Variants in TNFRSF13C observed in about 807,000 individuals in gnomAD.
TNFRSF13C encodes the protein TNF receptor superfamily member 13C.
Under a neutral mutation model 12.1 loss-of-function variants are expected in TNFRSF13C, and 7 were observed. The observed-to-expected ratio is 0.58, with a 90% CI of 0.33 to 1.08. The LOEUF is 1.08. Among genes scored for constraint, TNFRSF13C ranks in the 50% least tolerant of loss-of-function variants. The pLI is 0.04. For synonymous variants in TNFRSF13C, 157 were observed against 130.8 expected (o/e 1.20, Z -1.37); for missense variants, 260 against 265.9 (o/e 0.98, Z 0.15).
rs2077631733 is a variant in TNFRSF13C, at chr22:41,926,398, G to T, written c.137-67C>A. The stretch of plus-strand genomic sequence containing the variant: ...GGGAGGGAGGAGCGGGGACGGGGAG[G>T]GGCGGAGGGGGGCGAGGCTGGCCGG... On this transcript the variant is annotated intron_variant, in intron 1 of 2. Coordinates refer to ENST00000291232, the MANE Select transcript of TNFRSF13C (RefSeq NM_052945.4). This position sits in a 1 kb window ranked among gnomAD's most constrained non-coding sequence, Gnocchi z 4.9. 2 of 1,256,074 alleles carry T rather than the reference G, an allele frequency of 1.6e-6. No homozygotes were observed. The highest frequency in any genetic ancestry group is 2.0e-6 in the Non-Finnish European group (2 of 978,022). The allele number at this position is 1,256,074 out of a possible 1,614,324, so 77.8% of individuals were successfully genotyped here.
chr22:41,926,714 G>C lies in TNFRSF13C; in HGVS notation c.60C>G (p.Val20=), dbSNP rs373828157. The C allele has an allele frequency of 2.1e-6, 3 of 1,448,940 alleles. No individual in the cohort carries two copies. The Admixed American group carries it at 7.7e-5, about 37-fold the overall frequency. The allele number at this position is 1,448,940 out of a possible 1,614,324, so 89.8% of individuals were successfully genotyped here. ...CCAGCAGGTCGAAGCACTCGGCCGGGACGCAGGGCGTGGGGGCTGGCGCGT... is the reference window on the plus strand; with the variant it reads ...CCAGCAGGTCGAAGCACTCGGCCGGCACGCAGGGCGTGGGGGCTGGCGCGT... ...GRDAPAPTPC[V]PAECFDLLVR... is the part of the protein sequence containing the mutation. The change falls in exon 1 of 3, where the codon GTC becomes GTG. Residue 20 remains valine (V), a synonymous_variant. Transcript: ENST00000291232. The surrounding 1 kb of genome is among the most constrained non-coding windows in gnomAD (Gnocchi z 4.9).
In TNFRSF13C at chr22:41,926,173, C is replaced by G. The variant is rs1002488801; in HGVS notation, c.295G>C (p.Val99Leu). ...LVLALVLVGLVSWRRRQRRLR... is the reference protein window; with the variant it reads ...LVLALVLVGLLSWRRRQRRLR... ...CGCCGCTGTCGCCGCCTCCAGCTCACCAGACCCACCAGGACCAGCGCCAGG... is the reference window on the plus strand; with the variant it reads ...CGCCGCTGTCGCCGCCTCCAGCTCAGCAGACCCACCAGGACCAGCGCCAGG... The change falls in exon 2 of 3, where the codon GTG becomes CTG. Residue 99 changes from valine to leucine, a missense_variant. Transcript: ENST00000291232. The surrounding 1 kb of genome is among the most constrained non-coding windows in gnomAD (Gnocchi z 4.9). 1.3e-5 allele frequency: 21 copies of G among 1,610,838 alleles called. No homozygotes were observed. The highest frequency in any genetic ancestry group is 1.8e-5 in the Non-Finnish European group (21 of 1,179,632).
In TNFRSF13C at chr22:41,925,384, C is replaced by T. The variant is rs772090919; in HGVS notation, c.538G>A (p.Gly180Ser). 28 of 1,605,894 alleles carry T rather than the reference C, an allele frequency of 1.7e-5. No homozygotes were observed. Among genetic ancestry groups the T allele is most frequent in the African/African-American group, 5.3e-5 (4 of 74,790 alleles). Residue 180 changes from glycine (G) to serine (S), a missense_variant, in exon 3 of 3, where the codon GGC (glycine) becomes AGC (serine). Transcript: ENST00000291232. Reference sequence around the variant, plus strand: ...GCTCCCTGCTATTGTTGCTCAGGGCCGGCCGTCTTGGTGGTCACCAGTTCA... The same window carrying T: ...GCTCCCTGCTATTGTTGCTCAGGGCTGGCCGTCTTGGTGGTCACCAGTTCA... ...STELVTTKTA[G>S]PEQQ
Position 41,926,404 on chromosome 22 carries a change from AG to A in TNFRSF13C, c.137-74del. On this transcript the variant is annotated intron_variant, in intron 1 of 2. Coordinates refer to ENST00000291232, the MANE Select transcript of TNFRSF13C (RefSeq NM_052945.4). This position sits in a 1 kb window ranked among gnomAD's most constrained non-coding sequence, Gnocchi z 4.9. The stretch of plus-strand genomic sequence containing the variant: ...GAGGAGCGGGGACGGGGAGGGGCGG[AG>A]GGGGGCGAGGCTGGCCGGGGAGGGG... 8 of 282,956 alleles carry A rather than the reference AG, an allele frequency of 2.8e-5. No individual in the cohort carries two copies. The highest frequency in any genetic ancestry group is 3.4e-5 in the Non-Finnish European group (8 of 235,054). 17.5% of individuals were successfully genotyped at this position (282,956 alleles called of 1,614,324 possible).
Position 41,923,964 on chromosome 22 carries a change from T to C in TNFRSF13C, c.*1403A>G, listed in dbSNP as rs1312241857. 1 of 152,232 alleles carries C rather than the reference T, an allele frequency of 6.6e-6. No individual in the cohort carries two copies. Among genetic ancestry groups the C allele is most frequent in the African/African-American group, 2.4e-5 (1 of 41,468 alleles). The allele number at this position is 152,232 out of a possible 1,614,324, so 9.4% of individuals were successfully genotyped here. ...CAGCTCAATCTTTTCTCCTTTGTTA[T>C]TTCTTAAAATAATCTTGTACTAAAT... On this transcript the variant is annotated 3_prime_UTR_variant, in exon 3 of 3. Coordinates refer to ENST00000291232, the MANE Select transcript of TNFRSF13C (RefSeq NM_052945.4).
chr22:41,923,155 A>C lies in TNFRSF13C; in HGVS notation c.*2212T>G, dbSNP rs1415700710. 6.4e-6 allele frequency: 1 copy of C among 155,572 alleles called. No homozygotes were observed. The highest frequency in any genetic ancestry group is 1.9e-4 in the East Asian group (1 of 5,298). The allele number at this position is 155,572 out of a possible 1,614,324, so 9.6% of individuals were successfully genotyped here. A position where few individuals can be genotyped will look rare whatever the true frequency, so the allele number is the denominator to read the frequency against. On this transcript the variant is annotated 3_prime_UTR_variant, in exon 3 of 3. Transcript: ENST00000291232. ...AAGGGACAGGAGGGGCAGGAGAAGC[A>C]GGGGTCTACAGGTGGCTCTGGTGGC...
At position 41,926,381 on chromosome 22, in the gene TNFRSF13C, G is replaced by A. The variant is rs1290883517; in HGVS notation, c.137-50C>T. 1.5e-6 allele frequency: 2 copies of A among 1,334,048 alleles called. No individual in the cohort carries two copies. Among genetic ancestry groups the A allele is most frequent in the South Asian group, 1.9e-5 (1 of 52,124 alleles). The allele number at this position is 1,334,048 out of a possible 1,614,324, so 82.6% of individuals were successfully genotyped here. ...GAGGCCAGGGGGCCGAGGGGAGGGA[G>A]GAGCGGGGACGGGGAGGGGCGGAGG... On this transcript the variant is annotated intron_variant, in intron 1 of 2. Transcript: ENST00000291232. This position sits in a 1 kb window ranked among gnomAD's most constrained non-coding sequence, Gnocchi z 4.9.
intron 2 of TNFRSF13C, 27 bp from the exon 3 acceptor site, chr22:41,925,581 G>A (rs773702517): frequency 3.7e-6 from 6 of 1,609,340 alleles, no homozygotes; most frequent in Admixed American, 1.7e-5. Flanking sequence ...TAGAGGCTCC[G>A]TACTCAGTCA....
In TNFRSF13C at chr22:41,926,061, G is replaced by GCGC. The variant is rs777631797; in HGVS notation, c.367+37_367+39dup. 6.8e-6 allele frequency: 11 copies of GCGC among 1,610,668 alleles called. No homozygotes were observed. In the East Asian group the frequency reaches 2.5e-4, roughly 36 times the overall value. ...AGACCGTCCCGACACCCCAGCCCCT[G>GCGC]CGCCCCGCTCAGACTGGTTCCCCTA... On this transcript the variant is annotated intron_variant, in intron 2 of 2. Coordinates refer to ENST00000291232, the MANE Select transcript of TNFRSF13C (RefSeq NM_052945.4). The surrounding 1 kb of genome is among the most constrained non-coding windows in gnomAD (Gnocchi z 4.9).
rs894411320 is a variant in TNFRSF13C, at chr22:41,922,389, A to C, written c.*2978T>G. Reference sequence around the variant, plus strand: ...CTCAGTTTCCTCGTCTGTTAAATGCATATGAGAATTATCTAAGGTTCCTTC... The same window carrying C: ...CTCAGTTTCCTCGTCTGTTAAATGCCTATGAGAATTATCTAAGGTTCCTTC... On this transcript the variant is annotated 3_prime_UTR_variant, in exon 3 of 3. Coordinates refer to ENST00000291232, the MANE Select transcript of TNFRSF13C (RefSeq NM_052945.4). 4 of 152,242 alleles carry C rather than the reference A, an allele frequency of 2.6e-5. No individual in the cohort carries two copies. The highest frequency in any genetic ancestry group is 9.6e-5 in the African/African-American group (4 of 41,460). The allele number at this position is 152,242 out of a possible 1,614,324, so 9.4% of individuals were successfully genotyped here.
At chr22:41,925,668 G>T (rs1343413572) in intron 2 of TNFRSF13C, 114 bp from the exon 3 acceptor site, 6 of 1,348,228 alleles carry the variant, frequency 4.5e-6, no homozygotes, top group Non-Finnish European at 1.0e-6. Context: ...GCAGGGTGGG[G>T]AGGGGTGGCA....
rs2077624601 is a variant in TNFRSF13C, at chr22:41,925,518, G to A, written c.404C>T (p.Pro135Leu). ...AGGAGCTGTGGCATCAGAGATTCCC[G>A]GAGACAGAATGATGACCTTGTCCAG... The part of the protein sequence containing the change: ...EPLDKVIILS[P>L]GISDATAPAW... Residue 135 changes from proline (P) to leucine (L), a missense_variant, in exon 3 of 3, where the codon CCG becomes CTG. Coordinates refer to ENST00000291232, the MANE Select transcript of TNFRSF13C (RefSeq NM_052945.4). The A allele has an allele frequency of 3.7e-6, 6 of 1,613,388 alleles. No homozygotes were observed. Among genetic ancestry groups the A allele is most frequent in the East Asian group, 4.5e-5 (2 of 44,866 alleles).
intron 2 of TNFRSF13C, 151 bp downstream of exon 2, chr22:41,925,950 G>A (rs1439629516): frequency 8.0e-6 from 9 of 1,123,434 alleles, no homozygotes; most frequent in Non-Finnish European, 1.2e-5. Context: ...CCCAGCCTGA[G>A]CTCCTCAGCG....
At position 41,926,730 on chromosome 22, in the gene TNFRSF13C, G is replaced by A. The variant is rs2077634958; in HGVS notation, c.44C>T (p.Ala15Val). 1.4e-6 allele frequency: 2 copies of A among 1,421,754 alleles called. No individual in the cohort carries two copies. Among genetic ancestry groups the A allele is most frequent in the South Asian group, 1.4e-5 (1 of 69,216 alleles). The allele number at this position is 1,421,754 out of a possible 1,614,324, so 88.1% of individuals were successfully genotyped here. Reference sequence around the variant, plus strand: ...CTCGGCCGGGACGCAGGGCGTGGGGGCTGGCGCGTCCCTGCCCCGCAGGCT... The same window carrying A: ...CTCGGCCGGGACGCAGGGCGTGGGGACTGGCGCGTCCCTGCCCCGCAGGCT... Reference protein sequence around the residue: ...PRSLRGRDAPAPTPCVPAECF... With the variant: ...PRSLRGRDAPVPTPCVPAECF... The change falls in exon 1 of 3, where the codon GCC (alanine) becomes GTC (valine). Residue 15 changes from alanine (A) to valine (V), a missense_variant. Transcript: ENST00000291232. The surrounding 1 kb of genome is among the most constrained non-coding windows in gnomAD (Gnocchi z 4.9).
rs1472317086 is a variant in TNFRSF13C, at chr22:41,922,658, G to A, written c.*2709C>T. The A allele has an allele frequency of 6.8e-6, 1 of 147,918 alleles. No individual in the cohort carries two copies. The highest frequency in any genetic ancestry group is 1.5e-5 in the Non-Finnish European group (1 of 67,028). The allele number at this position is 147,918 out of a possible 1,614,324, so 9.2% of individuals were successfully genotyped here. Reference sequence around the variant, plus strand: ...TGGGGTGGGAGATGGGGGTGTCCAGGAGAAGATGGGGTGGGGGAGATGGGG... The same window carrying A: ...TGGGGTGGGAGATGGGGGTGTCCAGAAGAAGATGGGGTGGGGGAGATGGGG... On this transcript the variant is annotated 3_prime_UTR_variant, in exon 3 of 3. Coordinates refer to ENST00000291232, the MANE Select transcript of TNFRSF13C (RefSeq NM_052945.4).
Position 41,926,249 on chromosome 22 carries a change from G to A in TNFRSF13C, c.219C>T (p.Pro73=). The change falls in exon 2 of 3, where the codon CCC becomes CCT. Residue 73 remains proline, a synonymous_variant. Transcript: ENST00000291232. The surrounding 1 kb of genome is among the most constrained non-coding windows in gnomAD (Gnocchi z 4.9). The part of the protein sequence containing the change: ...VGAGAGEAAL[P]LPGLLFGAPA... ...GGGCGCCAAAGAGCAGCCCGGGCAG[G>A]GGCAGCGCCGCCTCGCCGGCCCCCG... 1.3e-6 allele frequency: 2 copies of A among 1,518,256 alleles called. No individual in the cohort carries two copies. Among genetic ancestry groups the A allele is most frequent in the Non-Finnish European group, 1.8e-6 (2 of 1,139,808 alleles). 94.0% of individuals were successfully genotyped at this position (1,518,256 alleles called of 1,614,324 possible). A position where few individuals can be genotyped will look rare whatever the true frequency, so the allele number is the denominator to read the frequency against.
rs772090919 is a variant in TNFRSF13C at position 41,925,384 on chromosome 22, C to G, written c.538G>C (p.Gly180Arg). 7 of 1,606,012 alleles carry G rather than the reference C, an allele frequency of 4.4e-6. No individual in the cohort carries two copies. Among genetic ancestry groups the G allele is most frequent in the Admixed American group, 1.7e-5 (1 of 59,952 alleles). Residue 180 changes from glycine to arginine, a missense_variant, in exon 3 of 3, where the codon GGC becomes CGC. Gly to Arg is a moderately radical substitution (Grantham distance 125). Coordinates refer to ENST00000291232, the MANE Select transcript of TNFRSF13C (RefSeq NM_052945.4). Reference protein sequence around the residue: ...STELVTTKTAGPEQQ With the variant: ...STELVTTKTARPEQQ ...GCTCCCTGCTATTGTTGCTCAGGGC[C>G]GGCCGTCTTGGTGGTCACCAGTTCA...
In TNFRSF13C at chr22:41,926,011, C is replaced by G. The variant is rs987943773; in HGVS notation, c.367+90G>C. The G allele has an allele frequency of 7.2e-6, 11 of 1,532,450 alleles. No individual in the cohort carries two copies. Among genetic ancestry groups the G allele is most frequent in the Non-Finnish European group, 8.9e-6 (10 of 1,118,518 alleles). The allele number at this position is 1,532,450 out of a possible 1,614,324, so 94.9% of individuals were successfully genotyped here. ...TTTCCCCTTAAAGCCCTTCTCTCCC[C>G]CTCAGGGGCCATGCATCTCCCCCTA... is the stretch of plus-strand genomic sequence containing the variant. On this transcript the variant is annotated intron_variant, in intron 2 of 2. Transcript: ENST00000291232. The surrounding 1 kb of genome is among the most constrained non-coding windows in gnomAD (Gnocchi z 4.9).
rs2077613321 is a variant in TNFRSF13C, at chr22:41,923,033, T to G, written c.*2334A>C. ...ATCTGAGATGGGTTCATGGAGCAAATAGCCAGGCAGAGACCTGGATGTGAG... is the reference window on the plus strand; with the variant it reads ...ATCTGAGATGGGTTCATGGAGCAAAGAGCCAGGCAGAGACCTGGATGTGAG... On this transcript the variant is annotated 3_prime_UTR_variant, in exon 3 of 3. Coordinates refer to ENST00000291232, the MANE Select transcript of TNFRSF13C (RefSeq NM_052945.4). 1 of 152,468 alleles carries G rather than the reference T, an allele frequency of 6.6e-6. No homozygotes were observed. The highest frequency in any genetic ancestry group is 2.1e-4 in the South Asian group (1 of 4,844). 9.4% of individuals were successfully genotyped at this position (152,468 alleles called of 1,614,324 possible). A position where few individuals can be genotyped will look rare whatever the true frequency, so the allele number is the denominator to read the frequency against.
Sources: gnomAD v4.1 joint callset for allele counts on GRCh38, gnomAD v4.1.1 for gene constraint, Gnocchi (gnomAD v3.1) non-coding constraint, MANE v1.5 for transcripts, NCBI Gene and HGNC (gene_info 2026-07-23, HGNC 2026-07-21) for gene names.